ADGRL3: variants seen among roughly 807,000 people sequenced by gnomAD.
ADGRL3 encodes the protein calcium-independent alpha-latrotoxin receptor 3.
ADGRL3 carries 62 observed loss-of-function variants against 153.5 expected under a neutral mutation model. That is an observed-to-expected ratio of 0.40 (90% CI 0.33 to 0.50). ADGRL3 has a LOEUF of 0.50. ADGRL3 is among the 20% of genes least tolerant of loss of function. The probability of loss-of-function intolerance (pLI) is 0.47; values close to 1 mark genes in which losing one functional copy is unlikely to be tolerated. For synonymous variants in ADGRL3, 710 were observed against 672.5 expected (o/e 1.06, Z -0.86); for missense variants, 1,641 against 1,859.4 (o/e 0.88, Z 2.16).
At chr4:61,759,204 T>C (rs1331990668) in intron 8 of ADGRL3, among the ~76,000 whole-genome samples, 5 of 152,216 alleles carry the variant, frequency 3.3e-5, no homozygotes, top group African/African-American at 1.2e-4. Flanking sequence ...ATTTCCTGTA[T>C]TTGAATGTTG....
chr4:61,746,447 A>G (rs1267777052), intron 8 of ADGRL3, among the ~76,000 whole-genome samples: 1 of 152,198 alleles, frequency 6.6e-6, no homozygotes, highest in Admixed American at 6.5e-5. Context: ...AACTGACCAC[A>G]TAGTTGGAAG....
intron 5 of ADGRL3, among the ~76,000 whole-genome samples, chr4:61,615,258 T>C (rs1370450645): frequency 2.0e-5 from 3 of 152,150 alleles, no homozygotes; most frequent in Non-Finnish European, 4.4e-5. Context: ...TTATCTTTAA[T>C]GTGCCCAGTG....
intron 2 of ADGRL3, among the ~76,000 whole-genome samples, chr4:61,488,888 C>T (rs1325202355): frequency 2.0e-5 from 3 of 151,956 alleles, no homozygotes; most frequent in African/African-American, 7.2e-5. Context: ...CCAATTTAAT[C>T]TTCTAAAAGC....
At chr4:61,537,570 A>G (rs1579402268) in intron 4 of ADGRL3, among the ~76,000 whole-genome samples, 1 of 152,260 alleles carries the variant, frequency 6.6e-6, no homozygotes, top group East Asian at 1.9e-4. Context: ...GTTCATTAAA[A>G]AAATCTTTAT....
At chr4:61,399,929 G>A (rs1195810468) in intron 2 of ADGRL3, among the ~76,000 whole-genome samples, 3 of 151,704 alleles carry the variant, frequency 2.0e-5, no homozygotes, top group Admixed American at 6.6e-5. Context: ...GTTGACTAAT[G>A]CAATTAATTT....
intron 6 of ADGRL3, among the ~76,000 whole-genome samples, chr4:61,683,785 C>T (rs975284409): frequency 2.0e-5 from 3 of 152,068 alleles, no homozygotes; most frequent in African/African-American, 7.2e-5. Context: ...TCACTGGGGA[C>T]CCACCCCTAT....
chr4:61,276,565 A>C (rs1442465032), intron 1 of ADGRL3, among the ~76,000 whole-genome samples: 3 of 152,142 alleles, frequency 2.0e-5, no homozygotes, highest in African/African-American at 7.2e-5. Context: ...GATGTGTTTA[A>C]GGAATCATTT....
At chr4:61,509,239 TGCCTCA>T (rs1269867701) in intron 3 of ADGRL3, among the ~76,000 whole-genome samples, 1 of 150,994 alleles carries the variant, frequency 6.6e-6, no homozygotes, top group Non-Finnish European at 1.5e-5. Flanking sequence ...GTGATTCTCC[TGCCTCA>T]GCCTCCTAAG....
intron 1 of ADGRL3, among the ~76,000 whole-genome samples, chr4:61,242,440 C>A (rs1015935713): frequency 1.3e-5 from 2 of 151,916 alleles, no homozygotes; most frequent in Non-Finnish European, 1.5e-5. Flanking sequence ...CTGTTTGAAG[C>A]CTTCTGCAAT....
intron 1 of ADGRL3, among the ~76,000 whole-genome samples, chr4:61,221,517 A>G (rs1745543619): frequency 6.6e-6 from 1 of 151,946 alleles, no homozygotes; most frequent in South Asian, 2.1e-4. Flanking sequence ...AGTTGAAAAT[A>G]TTTTTTTTGA....
intron 1 of ADGRL3, among the ~76,000 whole-genome samples, chr4:61,350,274 G>A (rs2096013874): frequency 6.6e-6 from 1 of 151,260 alleles, no homozygotes; most frequent in Non-Finnish European, 1.5e-5. Flanking sequence ...TCTGTACAGA[G>A]GAATAGTTAT....
intron 8 of ADGRL3, among the ~76,000 whole-genome samples, chr4:61,763,590 A>G (rs1005248455): frequency 2.0e-5 from 3 of 152,106 alleles, no homozygotes; most frequent in Admixed American, 2.0e-4. Flanking sequence ...CTCACGGTAT[A>G]GTTTCTCATG....
intron 2 of ADGRL3, among the ~76,000 whole-genome samples, chr4:61,425,980 G>C (rs555280880): frequency 1.7e-3 from 262 of 152,344 alleles, no homozygotes; most frequent in African/African-American, 6.0e-3. Flanking sequence ...CTTGGTGTCT[G>C]TATCTGTAAC....
intron 8 of ADGRL3, among the ~76,000 whole-genome samples, chr4:61,743,373 A>C (rs949904101): frequency 6.6e-6 from 1 of 151,936 alleles, no homozygotes; most frequent in African/African-American, 2.4e-5. Context: ...TCTGCCAAAA[A>C]ACATACAGGA....
intron 1 of ADGRL3, among the ~76,000 whole-genome samples, chr4:61,376,553 G>A (rs2096605025): frequency 6.6e-6 from 1 of 152,096 alleles, no homozygotes; most frequent in South Asian, 2.1e-4. Flanking sequence ...TTAAAGGAGA[G>A]CAGGAAACCC....
intron 8 of ADGRL3, among the ~76,000 whole-genome samples, chr4:61,733,801 G>T (rs1429357160): frequency 1.3e-5 from 2 of 152,104 alleles, no homozygotes; most frequent in East Asian, 1.9e-4. Context: ...TCTTTGAAGG[G>T]TGTTTGTTAT....
chr4:61,637,098 G>T (rs943158958), intron 5 of ADGRL3, among the ~76,000 whole-genome samples: 1 of 152,094 alleles, frequency 6.6e-6, no homozygotes, highest in African/African-American at 2.4e-5. Context: ...ACTGTTACAG[G>T]TTGAACTGTG....
At chr4:61,576,545 A>T (rs936746867) in intron 4 of ADGRL3, among the ~76,000 whole-genome samples, 2 of 149,418 alleles carry the variant, frequency 1.3e-5, no homozygotes, top group East Asian at 3.9e-4. Context: ...CGATATAACA[A>T]GTAGAGATTC....
chr4:61,795,271 G>A (rs901235678), intron 8 of ADGRL3, among the ~76,000 whole-genome samples: 1 of 152,066 alleles, frequency 6.6e-6, no homozygotes, highest in Non-Finnish European at 1.5e-5. Context: ...GGGACTACAG[G>A]CACAATCCAC....
Sources: gnomAD v4.1 joint callset for allele counts (sites outside exome capture counted in the v4.1 genomes callset) on GRCh38, gnomAD v4.1.1 for gene constraint, MANE v1.5 for transcripts, NCBI Gene and HGNC (gene_info 2026-07-23, HGNC 2026-07-21) for gene names.